SUMF1: variants seen among roughly 807,000 people sequenced by gnomAD.
SUMF1 encodes sulfatase modifying factor 1.
SUMF1 carries 48 observed loss-of-function variants against 47.6 expected under a neutral mutation model. The ratio of observed to expected loss-of-function variants is 1.01; its 90% confidence interval spans 0.80 to 1.28. The LOEUF (loss-of-function observed/expected upper bound fraction) is 1.28. Among genes scored for constraint, SUMF1 ranks in the 50% most tolerant of loss-of-function variants. The pLI is 0.00. For synonymous variants in SUMF1, 230 were observed against 192.1 expected (o/e 1.20, Z -1.63); for missense variants, 571 against 485.4 (o/e 1.18, Z -1.66).
At chr3:4,104,972 A>G (rs146229327) in intron 8 of SUMF1, among the ~76,000 whole-genome samples, 1 of 152,268 alleles carries the variant, frequency 6.6e-6, no homozygotes, top group African/African-American at 2.4e-5. Flanking sequence ...TATGGAATAA[A>G]CCTACGTGTC....
rs114487021 is a variant in SUMF1, at chr3:4,080,803, C to T, written c.1015-12058G>A. 3.2e-3 allele frequency among the ~76,000 whole-genome samples: 494 copies of T among 152,176 alleles called. 2 individuals carry two copies. Among genetic ancestry groups the T allele is most frequent in the Non-Finnish European group, 5.6e-3 (382 of 68,010 alleles). ...GCACTGGTTTTATAAAAGAGCAGGT[C>T]ACATATTCAAATTTCACGAAGACTT... On this transcript the variant is annotated intron_variant and NMD_transcript_variant, in intron 8 of 12. Coordinates refer to the SUMF1 transcript ENST00000448413.
At chr3:4,422,139 C>A (rs1701918758) in intron 3 of SUMF1, among the ~76,000 whole-genome samples, 1 of 151,856 alleles carries the variant, frequency 6.6e-6, no homozygotes, top group African/African-American at 2.4e-5. Context: ...GGCATGGCTT[C>A]TTTCTATTTC....
chr3:4,128,758 G>A lies in SUMF1; in HGVS notation c.1015-60013C>T, dbSNP rs547903607. On this transcript the variant is annotated intron_variant and NMD_transcript_variant, in intron 8 of 12. Transcript: ENST00000448413. ...TTATATAAACAGAAATCTGGAGAACGGGCATGGGAATGGATAGTAAGGGTG... is the reference window on the plus strand; with the variant it reads ...TTATATAAACAGAAATCTGGAGAACAGGCATGGGAATGGATAGTAAGGGTG... Among the ~76,000 whole-genome samples, 17 of 152,188 alleles carry A rather than the reference G, an allele frequency of 1.1e-4. 1 individual carries two copies. The South Asian group carries it at 2.7e-3, about 24-fold the overall frequency.
rs150254986 is a variant in SUMF1, at chr3:4,076,578, T to C, written c.1015-7833A>G. Reference sequence around the variant, plus strand: ...AGGCAACCTACACAATGGGAGAAAATTTTTGCAATCTATCCATCTGACAAA... The same window carrying C: ...AGGCAACCTACACAATGGGAGAAAACTTTTGCAATCTATCCATCTGACAAA... On this transcript the variant is annotated intron_variant and NMD_transcript_variant, in intron 8 of 12. Transcript: ENST00000448413. Among the ~76,000 whole-genome samples the C allele has an allele frequency of 6.4e-3, 965 of 151,810 alleles. 10 individuals carry two copies. The highest frequency in any genetic ancestry group is 0.022 in the African/African-American group (917 of 41,306).
chr3:4,076,765 C>G (rs990108044), intron 8 of SUMF1, among the ~76,000 whole-genome samples: 8 of 151,994 alleles, frequency 5.3e-5, no homozygotes, highest in African/African-American at 1.9e-4. Context: ...TTTGGGAGAC[C>G]GAGGCGGGCG....
At chr3:4,371,596 A>G (rs1172177554) in intron 8 of SUMF1, among the ~76,000 whole-genome samples, 1 of 152,182 alleles carries the variant, frequency 6.6e-6, no homozygotes, top group Non-Finnish European at 1.5e-5. Context: ...TTTGCTCTTC[A>G]TCTTGGTAGG....
chr3:4,211,072 T>C (rs1695770318), intron 8 of SUMF1, among the ~76,000 whole-genome samples: 1 of 137,436 alleles, frequency 7.3e-6, no homozygotes, highest in Non-Finnish European at 1.6e-5. Flanking sequence ...GACCGTGTGA[T>C]TGTGTGAGTT....
intron 8 of SUMF1, among the ~76,000 whole-genome samples, chr3:4,344,650 C>G (rs559799482): frequency 6.6e-6 from 1 of 152,266 alleles, no homozygotes; most frequent in Non-Finnish European, 1.5e-5. Flanking sequence ...TGCAATGTCT[C>G]TCCATCAAGG....
intron 9 of SUMF1, among the ~76,000 whole-genome samples, chr3:4,058,529 G>A (rs146763815): frequency 6.6e-6 from 1 of 152,120 alleles, no homozygotes; most frequent in African/African-American, 2.4e-5. Context: ...CACACAGAAG[G>A]GGGCAGGAAC....
At position 4,397,499 on chromosome 3, in the gene SUMF1, C is replaced by T. The variant is rs948257039; in HGVS notation, c.954+13366G>A. On this transcript the variant is annotated intron_variant, in intron 7 of 8. Transcript: ENST00000272902. ...CACAATCTTCTGTGTTCTTCAGTGA[C>T]AATTCATTAGCAAGTTATGAGAGAA... 4.6e-5 allele frequency among the ~76,000 whole-genome samples: 7 copies of T among 152,314 alleles called. No individual in the cohort carries two copies. The East Asian group carries it at 1.3e-3, about 29-fold the overall frequency.
intron 8 of SUMF1, among the ~76,000 whole-genome samples, chr3:4,124,652 A>T (rs1344328440): frequency 6.6e-6 from 1 of 152,112 alleles, no homozygotes; most frequent in African/African-American, 2.4e-5. Context: ...AGTCTTCTCC[A>T]AAAGGACACA....
intron 9 of SUMF1, among the ~76,000 whole-genome samples, chr3:4,063,706 T>C (rs535364592): frequency 2.0e-5 from 3 of 152,270 alleles, no homozygotes; most frequent in Admixed American, 6.5e-5. Flanking sequence ...GCCATCCTGG[T>C]GGTCTTTTGG....
At chr3:4,421,365 GACTCAGCAAGC>G (rs1319916244) in intron 3 of SUMF1, among the ~76,000 whole-genome samples, 1 of 152,184 alleles carries the variant, frequency 6.6e-6, no homozygotes, top group Non-Finnish European at 1.5e-5. Flanking sequence ...TGAGGTTAAT[GACTCAGCAAGC>G]ACTCAGTAAA....
intron 8 of SUMF1, among the ~76,000 whole-genome samples, chr3:4,137,530 G>C (rs1232687000): frequency 6.6e-6 from 1 of 152,090 alleles, no homozygotes; most frequent in Non-Finnish European, 1.5e-5. Context: ...TAAACGATGA[G>C]TTAATGGGTA....
At chr3:4,425,721 G>A (rs1240389107) in intron 3 of SUMF1, among the ~76,000 whole-genome samples, 1 of 152,188 alleles carries the variant, frequency 6.6e-6, no homozygotes, top group Non-Finnish European at 1.5e-5. Flanking sequence ...GGCAAGGGGA[G>A]TGTATTAGTC....
chr3:4,043,953 A>T (rs1027083691), intron 9 of SUMF1, among the ~76,000 whole-genome samples: 9 of 89,408 alleles, frequency 1.0e-4, no homozygotes, highest in African/African-American at 3.6e-4. Flanking sequence ...GCTAGATCAC[A>T]ATTATTACTA....
At chr3:4,460,206 A>T (rs909034720) in intron 1 of SUMF1, among the ~76,000 whole-genome samples, 1 of 152,222 alleles carries the variant, frequency 6.6e-6, no homozygotes, top group African/African-American at 2.4e-5. Context: ...TTATATTTGC[A>T]GAACATAGCT....
chr3:4,387,131 C>T (rs759027267), intron 7 of SUMF1, among the ~76,000 whole-genome samples: 2 of 151,866 alleles, frequency 1.3e-5, no homozygotes, highest in African/African-American at 2.4e-5. Flanking sequence ...AAAGTGTTCC[C>T]TTCTTTTCAT....
In SUMF1 at chr3:4,389,034, A is replaced by T. The variant is rs75123361; in HGVS notation, c.955-12645T>A. 8.0e-3 allele frequency among the ~76,000 whole-genome samples: 1,221 copies of T among 152,274 alleles called. 19 individuals are homozygous for T. Among genetic ancestry groups the T allele is most frequent in the African/African-American group, 0.029 (1,186 of 41,566 alleles). ...GAAGGAAAGCCTATTGTATATACTC[A>T]TATTTGGGCTTACCATGTTCTTCCT... On this transcript the variant is annotated intron_variant, in intron 7 of 8. Transcript: ENST00000272902.
Sources: gnomAD v4.1 joint callset for allele counts (sites outside exome capture counted in the v4.1 genomes callset) on GRCh38, gnomAD v4.1.1 for gene constraint, MANE v1.5 for transcripts, NCBI Gene and HGNC (gene_info 2026-07-23, HGNC 2026-07-21) for gene names.